NOXA1: variants seen among roughly 807,000 people sequenced by gnomAD.
The protein encoded by NOXA1 is NADPH oxidase activator 1.
A neutral mutation model predicts 64.8 loss-of-function variants in NOXA1; 56 were observed. That is an observed-to-expected ratio of 0.86 (90% CI 0.70 to 1.08). The LOEUF (loss-of-function observed/expected upper bound fraction) is 1.08, where lower values mean the gene tolerates loss of function less well. Among genes scored for constraint, NOXA1 ranks in the 50% least tolerant of loss-of-function variants. The probability of loss-of-function intolerance (pLI) is 0.00; values close to 1 mark genes in which losing one functional copy is unlikely to be tolerated. For synonymous variants in NOXA1, 295 were observed against 294.8 expected (o/e 1.00, Z -0.01); for missense variants, 668 against 658.5 (o/e 1.01, Z -0.16).
Position 137,428,915 on chromosome 9 carries a change from C to T in NOXA1, c.403C>T (p.Leu135=). 6.3e-7 allele frequency: 1 copy of T among 1,593,678 alleles called. No individual in the cohort carries two copies. The highest frequency in any genetic ancestry group is 8.5e-7 in the Non-Finnish European group (1 of 1,171,250). The change falls in exon 4 of 14, where the codon CTG becomes TTG. Residue 135 remains leucine (L), a synonymous_variant. Coordinates refer to ENST00000683555, the MANE Select transcript of NOXA1 (RefSeq NM_001256067.2). ...LHNVASAQCQ[L]GLWTEAASSL... ...CAATGTGGCGTCGGCACAGTGCCAG[C>T]TGGGGCTCTGGACAGAGGCGGCCAG...
chr9:137,433,109 A>G, intron 9 of NOXA1, 35 bp downstream of exon 9: 1 of 1,612,216 alleles, frequency 6.2e-7, no homozygotes, highest in Non-Finnish European at 8.5e-7. Context: ...TCCCCGGGTG[A>G]AGGAGGAAGC....
chr9:137,431,219 C>T lies in NOXA1; in HGVS notation c.699-17C>T. 2.5e-6 allele frequency: 4 copies of T among 1,608,098 alleles called. No individual in the cohort carries two copies. In the South Asian group the frequency reaches 4.4e-5, roughly 18 times the overall value. ...AGTCAGATGGGCAGGGCCTGAGAGCCTCCCTCCTCTCCCTAGGTCCCTAAT... is the reference window on the plus strand; with the variant it reads ...AGTCAGATGGGCAGGGCCTGAGAGCTTCCCTCCTCTCCCTAGGTCCCTAAT... On this transcript the variant is annotated splice_polypyrimidine_tract_variant and intron_variant, in intron 7 of 13. Coordinates refer to ENST00000683555, the MANE Select transcript of NOXA1 (RefSeq NM_001256067.2). This position sits in a 1 kb window ranked among gnomAD's most constrained non-coding sequence, Gnocchi z 5.6.
At position 137,423,525 on chromosome 9, in the gene NOXA1, C is replaced by A. The variant is rs1305177262; in HGVS notation, c.-5C>A. ...GCCCCTCCTCGAGCGCCGCCACCGG[C>A]CGCCATGGCCTCTCTGGGGGACCTG... On this transcript the variant is annotated 5_prime_UTR_variant, in exon 1 of 14. Transcript: ENST00000683555. 1 of 1,365,762 alleles carries A rather than the reference C, an allele frequency of 7.3e-7. No homozygotes were observed. Among genetic ancestry groups the A allele is most frequent in the Non-Finnish European group, 9.4e-7 (1 of 1,060,104 alleles). 84.6% of individuals were successfully genotyped at this position (1,365,762 alleles called of 1,614,324 possible). A position where few individuals can be genotyped will look rare whatever the true frequency, so the allele number is the denominator to read the frequency against.
intron 12 of NOXA1, 31 bp from the exon 13 acceptor site, chr9:137,433,934 G>A (rs1254672515): frequency 1.3e-6 from 2 of 1,527,140 alleles, no homozygotes. Context: ...CCAGTGCCCG[G>A]CCCGACCTGC....
rs1020386814 is a variant in NOXA1 at position 137,423,673 on chromosome 9, C to T, written c.144C>T (p.His48=). The T allele has an allele frequency of 4.3e-6, 6 of 1,379,422 alleles. No individual in the cohort carries two copies. The Admixed American group carries it at 1.8e-4, about 41-fold the overall frequency. The allele number at this position is 1,379,422 out of a possible 1,614,324, so 85.4% of individuals were successfully genotyped here. A position where few individuals can be genotyped will look rare whatever the true frequency, so the allele number is the denominator to read the frequency against. Residue 48 remains histidine (H), a synonymous_variant, in exon 1 of 14, where the codon CAC becomes CAT. Transcript: ENST00000683555. Reference sequence around the variant, plus strand: ...TGTGCTTCAACGCGGGCTGCGTGCACCTGCTGGCCGGGGACCCCGAGGCCG... The same window carrying T: ...TGTGCTTCAACGCGGGCTGCGTGCATCTGCTGGCCGGGGACCCCGAGGCCG... The part of the protein sequence containing the change: ...ARLCFNAGCV[H]LLAGDPEAAL...
In NOXA1 at chr9:137,434,047, G is replaced by T; in HGVS notation, c.1262G>T (p.Arg421Leu). Residue 421 changes from arginine to leucine, a missense_variant, in exon 13 of 14, where the codon CGA (arginine) becomes CTA (leucine). Physicochemically the swap from Arg to Leu is moderately radical, Grantham distance 102. Coordinates refer to ENST00000683555, the MANE Select transcript of NOXA1 (RefSeq NM_001256067.2). ...CAGGGGCCAGAGGACCTGGGCTTCC[G>T]ACAGGGGGACACGGTGGACGTCCTG... Reference protein sequence around the residue: ...SAQGPEDLGFRQGDTVDVLCE... With the variant: ...SAQGPEDLGFLQGDTVDVLCE... 6.3e-7 allele frequency: 1 copy of T among 1,577,012 alleles called. No homozygotes were observed. The highest frequency in any genetic ancestry group is 1.1e-5 in the South Asian group (1 of 88,088).
chr9:137,430,797 C>T lies in NOXA1; in HGVS notation c.626C>T (p.Ala209Val). The change falls in exon 6 of 14, where the codon GCC becomes GTC. Residue 209 changes from alanine to valine, a missense_variant. Physicochemically the swap from Ala to Val is moderately conservative, Grantham distance 64 (BLOSUM62 0). Coordinates refer to ENST00000683555, the MANE Select transcript of NOXA1 (RefSeq NM_001256067.2). ...TGTCCCCGCCAGGTGGTGGCCTCTG[C>T]CATCCCCGACGACCAGGGCTGGGGC... ...FLGKAKVVAS[A>V]IPDDQGWGVR... The T allele has an allele frequency of 6.3e-7, 1 of 1,594,680 alleles. No homozygotes were observed. The highest frequency in any genetic ancestry group is 8.5e-7 in the Non-Finnish European group (1 of 1,175,448).
chr9:137,428,772 AC>A, intron 3 of NOXA1, 109 bp from the exon 4 acceptor site: 1 of 854,216 alleles, frequency 1.2e-6, no homozygotes, highest in Non-Finnish European at 1.5e-6. Flanking sequence ...AGGTGGGGGG[AC>A]TGGGGGAGGG....
intron 5 of NOXA1, among the ~76,000 whole-genome samples, chr9:137,429,759 A>G (rs1229853011): frequency 6.8e-6 from 1 of 146,118 alleles, no homozygotes; most frequent in Non-Finnish European, 1.5e-5. Flanking sequence ...TGCCACAGAC[A>G]GCGAGGTCCC....
intron 5 of NOXA1, among the ~76,000 whole-genome samples, chr9:137,429,842 G>A (rs1337006240): frequency 7.0e-5 from 2 of 28,562 alleles, no homozygotes; most frequent in Admixed American, 2.9e-4. Flanking sequence ...CACAGATAGC[G>A]AGGTCCCGGG....
Position 137,433,793 on chromosome 9 carries a change from G to C in NOXA1, c.1108G>C (p.Glu370Gln). 1 of 1,454,378 alleles carries C rather than the reference G, an allele frequency of 6.9e-7. No homozygotes were observed. The highest frequency in any genetic ancestry group is 9.1e-7 in the Non-Finnish European group (1 of 1,100,170). The allele number at this position is 1,454,378 out of a possible 1,614,324, so 90.1% of individuals were successfully genotyped here. ...GGACGGGCACTGGGTCCCCATCCCC[G>C]AGGAGGAGTCGCTGCAGAGGGCCTG... ...GEDGHWVPIP[E>Q]EESLQRAWQD... Residue 370 changes from glutamate to glutamine, a missense_variant, in exon 12 of 14, where the codon GAG (glutamate) becomes CAG (glutamine). By Grantham distance (29) the Glu-to-Gln change is conservative. Coordinates refer to ENST00000683555, the MANE Select transcript of NOXA1 (RefSeq NM_001256067.2).
chr9:137,434,255 C>T lies in NOXA1; in HGVS notation c.1326C>T (p.Asp442=), dbSNP rs375163287. 108 of 1,610,580 alleles carry T rather than the reference C, an allele frequency of 6.7e-5. No homozygotes were observed. The highest frequency in any genetic ancestry group is 1.3e-4 in the South Asian group (12 of 91,056). ...VDQAWLEGHC[D]GRIGIFPKCF... is the part of the protein sequence containing the mutation. ...AGGCATGGCTGGAGGGCCACTGTGA[C>T]GGCCGCATCGGCATCTTCCCCAAGT... Residue 442 remains aspartate, a synonymous_variant, in exon 14 of 14, where the codon GAC becomes GAT. Transcript: ENST00000683555.
rs1839107342 is a variant in NOXA1, at chr9:137,431,455, T to G, written c.804+114T>G. The G allele has an allele frequency of 2.4e-6, 2 of 843,240 alleles. No homozygotes were observed. The highest frequency in any genetic ancestry group is 2.1e-5 in the Admixed American group (1 of 46,996). 52.2% of individuals were successfully genotyped at this position (843,240 alleles called of 1,614,324 possible). On this transcript the variant is annotated intron_variant, in intron 8 of 13. Transcript: ENST00000683555. This position sits in a 1 kb window ranked among gnomAD's most constrained non-coding sequence, Gnocchi z 5.6. The stretch of plus-strand genomic sequence containing the variant: ...GTGGAGGGAGCAGCTCGCTGGGGGG[T>G]AGACGGGGCCGGGCTCACCCGTGGT...
intron 10 of NOXA1, 62 bp downstream of exon 10, chr9:137,433,325 C>A (rs939271962): frequency 1.3e-6 from 2 of 1,498,784 alleles, no homozygotes; most frequent in African/African-American, 1.4e-5. Flanking sequence ...CAAGCCCCAT[C>A]CCTCAGAATC....
chr9:137,433,234 G>C lies in NOXA1; in HGVS notation c.880G>C (p.Gly294Arg). 5.0e-6 allele frequency: 8 copies of C among 1,602,426 alleles called. No homozygotes were observed. Among genetic ancestry groups the C allele is most frequent in the Non-Finnish European group, 6.8e-6 (8 of 1,175,792 alleles). Residue 294 changes from glycine to arginine, a missense_variant, in exon 10 of 14, where the codon GGC (glycine) becomes CGC (arginine). By Grantham distance (125) the Gly-to-Arg change is moderately radical (BLOSUM62 -2). Coordinates refer to ENST00000683555, the MANE Select transcript of NOXA1 (RefSeq NM_001256067.2). ...GLPAMGGPGP[G>R]PCEDPAGAGG... ...GCCGGCAATGGGGGGGCCTGGCCCC[G>C]GCCCCTGTGAGGACCCCGCGGGTGC...
At chr9:137,432,279 CAAA>C (rs35916187) in intron 8 of NOXA1, among the ~76,000 whole-genome samples, 1,881 of 102,210 alleles carry the variant, frequency 0.018, 46 homozygotes, top group African/African-American at 0.065. Context: ...GACCCTGTCT[CAAA>C]AAAAAAAAAA....
At chr9:137,430,296 G>A (rs1305294807) in intron 5 of NOXA1, among the ~76,000 whole-genome samples, 25 of 149,442 alleles carry the variant, frequency 1.7e-4, no homozygotes. Context: ...ACCCCCAAAG[G>A]CAGCGGGCGA....
intron 5 of NOXA1, among the ~76,000 whole-genome samples, chr9:137,430,517 T>TA (rs1839066960): frequency 6.6e-6 from 1 of 152,240 alleles, no homozygotes; most frequent in Non-Finnish European, 1.5e-5. Flanking sequence ...TGCATTAACT[T>TA]AGAGTCCGCA....
intron 5 of NOXA1, 127 bp from the exon 6 acceptor site, chr9:137,430,657 C>G (rs894429724): frequency 2.9e-5 from 20 of 689,028 alleles, no homozygotes; most frequent in Non-Finnish European, 4.4e-5. Flanking sequence ...AGACGTGGGC[C>G]GGGCATGGGC....
Sources: allele counts gnomAD v4.1 joint callset (sites outside exome capture counted in the v4.1 genomes callset), GRCh38; gene constraint gnomAD v4.1.1; non-coding constraint Gnocchi (gnomAD v3.1); transcripts MANE v1.5; gene names NCBI Gene and HGNC (gene_info 2026-07-23, HGNC 2026-07-21).